Variants in PCDHGA11 observed in about 807,000 individuals in gnomAD.
PCDHGA11 encodes the protein protocadherin gamma-A11.
PCDHGA11 carries 39 observed loss-of-function variants against 60.4 expected under a neutral mutation model. That is an observed-to-expected ratio of 0.65 (90% CI 0.50 to 0.84). The LOEUF (loss-of-function observed/expected upper bound fraction) is 0.84, where lower values mean the gene tolerates loss of function less well. Among genes scored for constraint, PCDHGA11 ranks in the 40% least tolerant of loss-of-function variants. The pLI, the probability that PCDHGA11 is intolerant of heterozygous loss-of-function variation, is 0.00. For missense variants in PCDHGA11, 1,165 were observed against 1,197.7 expected (o/e 0.97, Z 0.40); for synonymous variants, 533 against 510.3 (o/e 1.04, Z -0.60).
chr5:141,471,208 C>G (rs559571022), intron 1 of PCDHGA11: 1 of 151,664 alleles, frequency 6.6e-6, no homozygotes, highest in Non-Finnish European at 1.5e-5. Context: ...CACCCCCATG[C>G]CTGGCAATTT....
chr5:141,491,131 G>A lies in PCDHGA11; in HGVS notation c.2434-3676G>A. 1 of 1,614,182 alleles carries A rather than the reference G, an allele frequency of 6.2e-7. No individual in the cohort carries two copies. Among genetic ancestry groups the A allele is most frequent in the Non-Finnish European group, 8.5e-7 (1 of 1,180,008 alleles). ...TACACACACTGGTGAGGTGCGCACA[G>A]CCCGGGCCTTACTGGAGGATGACTC... On this transcript the variant is annotated intron_variant, in intron 1 of 3. Coordinates refer to ENST00000398587, the MANE Select transcript of PCDHGA11 (RefSeq NM_018914.3). This position sits in a 1 kb window ranked among gnomAD's most constrained non-coding sequence, Gnocchi z 6.9.
At chr5:141,501,987 G>A (rs1462571527) in intron 2 of PCDHGA11, among the ~76,000 whole-genome samples, 2 of 152,016 alleles carry the variant, frequency 1.3e-5, no homozygotes, top group Non-Finnish European at 2.9e-5. Flanking sequence ...TGGTCCCGTT[G>A]TCTCCCTGAC....
At chr5:141,441,073 G>A (rs1591647632) in intron 1 of PCDHGA11, 1 of 152,152 alleles carries the variant, frequency 6.6e-6, no homozygotes, top group Non-Finnish European at 1.5e-5. Flanking sequence ...AATTTCCATG[G>A]TTTTGGTAGC....
intron 1 of PCDHGA11, chr5:141,430,569 G>A (rs1252716330): frequency 4.5e-6 from 2 of 439,930 alleles, no homozygotes; most frequent in African/African-American, 4.1e-5. Flanking sequence ...GGAGAGAAAA[G>A]CGGAGATCCT....
At chr5:141,427,573 T>C in intron 1 of PCDHGA11, 1 of 667,160 alleles carries the variant, frequency 1.5e-6, no homozygotes, top group Non-Finnish European at 2.8e-6. Context: ...AAGCCTCCGC[T>C]CTCATCCAGC....
At chr5:141,430,689 T>A in intron 1 of PCDHGA11, 1 of 1,408,998 alleles carries the variant, frequency 7.1e-7, no homozygotes, top group Non-Finnish European at 9.4e-7. Flanking sequence ...TCCCATTCTA[T>A]GGGCGAAGGA....
rs1228153118 is a variant in PCDHGA11 at position 141,433,077 on chromosome 5, C to G, written c.2433+9417C>G. 5.0e-6 allele frequency: 8 copies of G among 1,614,080 alleles called. No homozygotes were observed. The African/African-American group carries it at 6.7e-5, about 13-fold the overall frequency. On this transcript the variant is annotated intron_variant, in intron 1 of 3. Transcript: ENST00000398587. Reference sequence around the variant, plus strand: ...AAGAGTCACCTGATCTTCCCCCAGCCCAACTATGCAGACATGCTCGTCAGC... The same window carrying G: ...AAGAGTCACCTGATCTTCCCCCAGCGCAACTATGCAGACATGCTCGTCAGC...
At chr5:141,496,373 C>T (rs1315450867) in intron 2 of PCDHGA11, among the ~76,000 whole-genome samples, 2 of 152,216 alleles carry the variant, frequency 1.3e-5, no homozygotes. Flanking sequence ...GAAGCAGGAG[C>T]TTGGGCCACC....
In PCDHGA11 at chr5:141,432,582, T is replaced by A. The variant is rs1561862595; in HGVS notation, c.2433+8922T>A. 2 of 1,613,236 alleles carry A rather than the reference T, an allele frequency of 1.2e-6. No homozygotes were observed. The highest frequency in any genetic ancestry group is 1.7e-6 in the Non-Finnish European group (2 of 1,179,922). On this transcript the variant is annotated intron_variant, in intron 1 of 3. Transcript: ENST00000398587. This position sits in a 1 kb window ranked among gnomAD's most constrained non-coding sequence, Gnocchi z 6.0. ...CAGAACGCCTGGCTGTCCTACCGTC[T>A]GCTCAAGGCCAGCGAGCCGGGACTC...
In PCDHGA11 at chr5:141,511,330, T is replaced by C; in HGVS notation, c.*157T>C. 1 of 1,455,994 alleles carries C rather than the reference T, an allele frequency of 6.9e-7. No homozygotes were observed. The highest frequency in any genetic ancestry group is 9.1e-7 in the Non-Finnish European group (1 of 1,093,254). 90.2% of individuals were successfully genotyped at this position (1,455,994 alleles called of 1,614,324 possible). ...TTGGGAAACAGAAACAAGTGCCCAG[T>C]CAGCACCTACCCCTTCCCCCCCAGG... On this transcript the variant is annotated 3_prime_UTR_variant, in exon 4 of 4. Coordinates refer to ENST00000398587, the MANE Select transcript of PCDHGA11 (RefSeq NM_018914.3).
intron 1 of PCDHGA11, among the ~76,000 whole-genome samples, chr5:141,483,522 C>G (rs557644901): frequency 9.3e-6 from 1 of 107,172 alleles, no homozygotes; most frequent in African/African-American, 3.9e-5. Flanking sequence ...TAGATCCTGA[C>G]TAAGGAAGCT....
chr5:141,430,910 G>C, intron 1 of PCDHGA11: 2 of 1,608,040 alleles, frequency 1.2e-6, no homozygotes, highest in South Asian at 1.1e-5. Context: ...CATCTCCAGG[G>C]ACCTGGGGCT....
intron 1 of PCDHGA11, among the ~76,000 whole-genome samples, chr5:141,430,213 A>G (rs892801149): frequency 6.6e-6 from 1 of 151,106 alleles, no homozygotes; most frequent in Non-Finnish European, 1.5e-5. Context: ...AAATTATTAT[A>G]TTATATGATT....
chr5:141,458,624 C>G (rs1382508302), intron 1 of PCDHGA11, among the ~76,000 whole-genome samples: 1 of 152,082 alleles, frequency 6.6e-6, no homozygotes, highest in East Asian at 1.9e-4. Context: ...GGCTGGAGTG[C>G]AGTGGCACAA....
intron 1 of PCDHGA11, among the ~76,000 whole-genome samples, chr5:141,445,920 A>C (rs1343777309): frequency 6.6e-6 from 1 of 152,212 alleles, no homozygotes; most frequent in African/African-American, 2.4e-5. Context: ...GGCAGTGACA[A>C]GATATTTGAA....
At chr5:141,488,359 T>A (rs1262194591) in intron 1 of PCDHGA11, among the ~76,000 whole-genome samples, 1 of 152,198 alleles carries the variant, frequency 6.6e-6, no homozygotes, top group Non-Finnish European at 1.5e-5. Context: ...ACCCTGTGCA[T>A]CTTTAAGTTG....
chr5:141,507,872 C>T (rs2099864458), intron 3 of PCDHGA11, among the ~76,000 whole-genome samples: 1 of 152,168 alleles, frequency 6.6e-6, no homozygotes, highest in African/African-American at 2.4e-5. Flanking sequence ...GCTTCCTAGC[C>T]CTGAAACCAG....
In PCDHGA11 at chr5:141,422,440, T is replaced by G. The variant is rs1028472076; in HGVS notation, c.1213T>G (p.Leu405Val). 11 of 1,610,116 alleles carry G rather than the reference T, an allele frequency of 6.8e-6. No homozygotes were observed. The highest frequency in any genetic ancestry group is 2.7e-5 in the African/African-American group (2 of 74,560). The change falls in exon 1 of 4, where the codon TTG becomes GTG. Residue 405 changes from leucine to valine, a missense_variant. Leu to Val is a conservative substitution (Grantham distance 32). Transcript: ENST00000398587. ...AAAGACTTATGGAAATTATTACAAATTGATAACAAGCAGAGTGCTGGACAG... is the reference window on the plus strand; with the variant it reads ...AAAGACTTATGGAAATTATTACAAAGTGATAACAAGCAGAGTGCTGGACAG... ...LEKTYGNYYK[L>V]ITSRVLDREL...
chr5:141,439,800 T>C (rs1393580217), intron 1 of PCDHGA11: 1 of 152,300 alleles, frequency 6.6e-6, no homozygotes, highest in Admixed American at 6.5e-5. Context: ...CAAGAAGAGT[T>C]TGAAAAGGGG....
Sources: gnomAD v4.1 joint callset for allele counts (sites outside exome capture counted in the v4.1 genomes callset) on GRCh38, gnomAD v4.1.1 for gene constraint, Gnocchi (gnomAD v3.1) non-coding constraint, MANE v1.5 for transcripts, NCBI Gene and HGNC (gene_info 2026-07-23, HGNC 2026-07-21) for gene names.